DNAJC16: variants seen among roughly 807,000 people sequenced by gnomAD.
The protein encoded by DNAJC16 is DnaJ heat shock protein family (Hsp40) member C16.
Under a neutral mutation model 92.7 loss-of-function variants are expected in DNAJC16, and 76 were observed. The observed-to-expected ratio is 0.82, with a 90% CI of 0.68 to 0.99. The LOEUF (loss-of-function observed/expected upper bound fraction) is 0.99. Ranked by LOEUF, DNAJC16 falls within the 50% of genes least tolerant of loss-of-function variation. The pLI is 0.00. For synonymous variants in DNAJC16, 328 were observed against 358.7 expected (o/e 0.91, Z 0.97); for missense variants, 869 against 942.4 (o/e 0.92, Z 1.02).
At position 15,558,171 on chromosome 1, in the gene DNAJC16, CT is replaced by C. The variant is rs1184997158; in HGVS notation, c.1024-1331del. On this transcript the variant is annotated intron_variant, in intron 7 of 14. Transcript: ENST00000375847. ...CAGGCATGAGCCACCATACCCAGCC[CT>C]TTTTTTTTTTTTTTTTTTTTTTTCT... Among the ~76,000 whole-genome samples, 264 of 117,790 alleles carry C rather than the reference CT, an allele frequency of 2.2e-3. 3 individuals carry two copies. The highest frequency in any genetic ancestry group is 2.9e-3 in the African/African-American group (84 of 29,056). 77.3% of individuals were successfully genotyped at this position (117,790 alleles called of 152,430 possible).
chr1:15,564,497 A>G (rs1473926611), intron 11 of DNAJC16, 138 bp downstream of exon 11: 8 of 597,846 alleles, frequency 1.3e-5, no homozygotes, highest in African/African-American at 9.7e-5. Context: ...CACATTTTCT[A>G]TTCCCCTTTT....
chr1:15,567,028 C>G, intron 13 of DNAJC16, 71 bp from the exon 14 acceptor site: 1 of 1,421,470 alleles, frequency 7.0e-7, no homozygotes, highest in Non-Finnish European at 9.8e-7. Context: ...TTTCTTTCAG[C>G]TGTTTCTTTT....
chr1:15,553,533 T>C (rs1203320006), intron 7 of DNAJC16, among the ~76,000 whole-genome samples: 1 of 152,104 alleles, frequency 6.6e-6, no homozygotes. Context: ...CGCACCTGGC[T>C]GTTTTTATTA....
intron 8 of DNAJC16, 75 bp downstream of exon 8, chr1:15,559,731 A>AG: frequency 6.4e-7 from 1 of 1,563,214 alleles, no homozygotes. Flanking sequence ...TAGGGTGACT[A>AG]GACATCTGCC....
chr1:15,530,379 G>A (rs1710625948), intron 2 of DNAJC16, among the ~76,000 whole-genome samples: 1 of 151,738 alleles, frequency 6.6e-6, no homozygotes, highest in Admixed American at 6.6e-5. Context: ...TTGTAATTTT[G>A]CCTGTAGTTA....
chr1:15,549,739 A>G (rs1414054489), intron 7 of DNAJC16, among the ~76,000 whole-genome samples: 2 of 148,428 alleles, frequency 1.3e-5, no homozygotes, highest in Admixed American at 6.8e-5. Flanking sequence ...GCGTGAACCC[A>G]GGAGGCGGAG....
intron 7 of DNAJC16, among the ~76,000 whole-genome samples, chr1:15,559,228 ACGT>A (rs2103423509): frequency 6.6e-6 from 1 of 152,284 alleles, no homozygotes; most frequent in Admixed American, 6.5e-5. Context: ...GTGAGCCACC[ACGT>A]CCGGCCATGA....
chr1:15,566,260 C>A, intron 13 of DNAJC16, 80 bp downstream of exon 13: 1 of 1,186,380 alleles, frequency 8.4e-7, no homozygotes, highest in Non-Finnish European at 1.2e-6. Context: ...AGCATTGGAA[C>A]ATAGAGTGTA....
At chr1:15,545,358 ATTAAC>A (rs1638272861) in intron 5 of DNAJC16, among the ~76,000 whole-genome samples, 1 of 152,242 alleles carries the variant, frequency 6.6e-6, no homozygotes, top group South Asian at 2.1e-4. Context: ...ATTTGTTGGA[ATTAAC>A]TTAAAAGTTT....
chr1:15,551,660 C>T (rs1281161027), intron 7 of DNAJC16, among the ~76,000 whole-genome samples: 2 of 151,184 alleles, frequency 1.3e-5, no homozygotes, highest in African/African-American at 4.9e-5. Flanking sequence ...GTCACTCAGG[C>T]TGGAGTGCAG....
intron 2 of DNAJC16, among the ~76,000 whole-genome samples, chr1:15,529,980 G>C (rs1710616534): frequency 6.6e-6 from 1 of 151,982 alleles, no homozygotes; most frequent in Non-Finnish European, 1.5e-5. Context: ...ATAATGACAA[G>C]AAAAAAGTCT....
chr1:15,563,662 C>CA (rs1638740229), intron 9 of DNAJC16, among the ~76,000 whole-genome samples: 2 of 83,152 alleles, frequency 2.4e-5, no homozygotes, highest in Non-Finnish European at 4.6e-5. Flanking sequence ...CCCATCTCTA[C>CA]TAAAAAAAAA....
intron 2 of DNAJC16, among the ~76,000 whole-genome samples, chr1:15,530,098 T>C (rs1368677752): frequency 6.6e-6 from 1 of 151,940 alleles, no homozygotes; most frequent in Non-Finnish European, 1.5e-5. Flanking sequence ...CCAACAGATA[T>C]AGAGGGCTGA....
chr1:15,558,960 G>A (rs1197612762), intron 7 of DNAJC16, among the ~76,000 whole-genome samples: 2 of 152,136 alleles, frequency 1.3e-5, no homozygotes, highest in African/African-American at 4.8e-5. Context: ...TTGTTTTTGA[G>A]ATGGAGTCTC....
At chr1:15,566,678 T>C (rs1390333567) in intron 13 of DNAJC16, 3 of 174,668 alleles carry the variant, frequency 1.7e-5, no homozygotes, top group African/African-American at 7.2e-5. Context: ...GAGCCCAGGG[T>C]TTGAGACTAG....
intron 2 of DNAJC16, among the ~76,000 whole-genome samples, chr1:15,530,792 A>G (rs546363974): frequency 6.6e-6 from 1 of 152,162 alleles, no homozygotes; most frequent in African/African-American, 2.4e-5. Context: ...GGTTCAAGGG[A>G]TTCTCCTGAC....
intron 14 of DNAJC16, 86 bp from the exon 15 acceptor site, chr1:15,567,692 T>C: frequency 7.1e-7 from 1 of 1,408,192 alleles, no homozygotes. Flanking sequence ...TTTCCTATTA[T>C]TTTAAGTCTC....
chr1:15,528,148 T>TA (rs2103398846), intron 1 of DNAJC16, among the ~76,000 whole-genome samples: 1 of 152,330 alleles, frequency 6.6e-6, no homozygotes, highest in African/African-American at 2.4e-5. Flanking sequence ...ATAATGACCA[T>TA]ATTGGCCGGC....
chr1:15,570,661 T>C lies in DNAJC16; in HGVS notation c.*2484T>C, dbSNP rs1638926929. ...GGCAGATGTTTCAGCCCAAAAGCTC[T>C]TCTACAGACCGGTTTAGAGCTGGTG... On this transcript the variant is annotated 3_prime_UTR_variant, in exon 15 of 15. Transcript: ENST00000375847. 6.6e-6 allele frequency: 1 copy of C among 152,350 alleles called. No homozygotes were observed. Among genetic ancestry groups the C allele is most frequent in the Admixed American group, 6.5e-5 (1 of 15,292 alleles). The allele number at this position is 152,350 out of a possible 1,614,324, so 9.4% of individuals were successfully genotyped here. A position where few individuals can be genotyped will look rare whatever the true frequency, so the allele number is the denominator to read the frequency against.
Sources: allele counts gnomAD v4.1 joint callset (sites outside exome capture counted in the v4.1 genomes callset), GRCh38; gene constraint gnomAD v4.1.1; transcripts MANE v1.5; gene names NCBI Gene and HGNC (gene_info 2026-07-23, HGNC 2026-07-21).